Variants in RPIA observed in about 807,000 individuals in gnomAD.
RPIA encodes the protein ribose-5-phosphate isomerase.
RPIA carries 29 observed loss-of-function variants against 37.8 expected under a neutral mutation model. The observed-to-expected ratio is 0.77, with a 90% CI of 0.57 to 1.05. The LOEUF (loss-of-function observed/expected upper bound fraction) is 1.05. Ranked by LOEUF, RPIA falls within the 50% of genes least tolerant of loss-of-function variation. The pLI, the probability that RPIA is intolerant of heterozygous loss-of-function variation, is 0.00. For missense variants in RPIA, 385 were observed against 413.6 expected (o/e 0.93, Z 0.60); for synonymous variants, 167 against 157.0 (o/e 1.06, Z -0.48).
intron 3 of RPIA, among the ~76,000 whole-genome samples, chr2:88,717,422 C>T (rs748320361): frequency 1.1e-4 from 16 of 152,146 alleles, no homozygotes; most frequent in African/African-American, 3.4e-4. Flanking sequence ...TCTGGAAAGG[C>T]GGGACAACTC....
chr2:88,703,840 T>G (rs1672864382), intron 3 of RPIA, among the ~76,000 whole-genome samples: 1 of 152,228 alleles, frequency 6.6e-6, no homozygotes, highest in Non-Finnish European at 1.5e-5. Flanking sequence ...TTTCAAACTT[T>G]TATACTCTGT....
chr2:88,729,253 G>A, intron 3 of RPIA, 25 bp from the exon 4 acceptor site: 1 of 1,612,324 alleles, frequency 6.2e-7, no homozygotes, highest in South Asian at 1.1e-5. Flanking sequence ...AAATGATCGT[G>A]GTTGCTCTTC....
chr2:88,692,152 C>A (rs545137458), intron 1 of RPIA, among the ~76,000 whole-genome samples, 169 bp downstream of exon 1: 14 of 152,316 alleles, frequency 9.2e-5, no homozygotes, highest in Admixed American at 5.9e-4. Context: ...TTCCCTGCTC[C>A]TTAAAGACCT....
intron 8 of RPIA, among the ~76,000 whole-genome samples, chr2:88,744,862 T>G (rs1673422998): frequency 6.6e-6 from 1 of 152,232 alleles, no homozygotes; most frequent in Non-Finnish European, 1.5e-5. Context: ...TTCCCACCCC[T>G]TTACAGTAAG....
chr2:88,741,188 A>G (rs4972062), intron 8 of RPIA, among the ~76,000 whole-genome samples: 75,492 of 152,040 alleles, frequency 0.5, 20,251 homozygotes, highest in African/African-American at 0.71. Flanking sequence ...TACCCAATGC[A>G]TAGTCTTTTC....
intron 3 of RPIA, among the ~76,000 whole-genome samples, chr2:88,712,047 G>A (rs1672967963): frequency 6.6e-6 from 1 of 152,162 alleles, no homozygotes; most frequent in African/African-American, 2.4e-5. Context: ...AGGGAAGATG[G>A]TATAATGAGG....
At chr2:88,727,113 G>A (rs962190542) in intron 3 of RPIA, among the ~76,000 whole-genome samples, 4 of 152,148 alleles carry the variant, frequency 2.6e-5, no homozygotes, top group African/African-American at 7.2e-5. Flanking sequence ...GCATGTGTGC[G>A]CGTGCATGTG....
intron 3 of RPIA, among the ~76,000 whole-genome samples, chr2:88,704,041 C>T (rs950319634): frequency 2.0e-5 from 3 of 152,290 alleles, no homozygotes; most frequent in Middle Eastern, 3.4e-3. Flanking sequence ...CTCCATTTCC[C>T]AACAAGTTTT....
At chr2:88,712,747 T>C (rs958797159) in intron 3 of RPIA, among the ~76,000 whole-genome samples, 4 of 152,336 alleles carry the variant, frequency 2.6e-5, no homozygotes, top group African/African-American at 9.6e-5. Flanking sequence ...GAAGGCTGTT[T>C]GGGTCATCCG....
Position 88,694,367 on chromosome 2 carries a change from G to A in RPIA, c.285+2384G>A, listed in dbSNP as rs190076197. On this transcript the variant is annotated intron_variant, in intron 1 of 8. Coordinates refer to ENST00000283646, the MANE Select transcript of RPIA (RefSeq NM_144563.3). ...TATACAGAGCTTGTCTGATTCATCC[G>A]AATTCACCTCTGTGCCACCTGCCTG... Among the ~76,000 whole-genome samples the A allele has an allele frequency of 1.5e-3, 232 of 152,294 alleles. 2 individuals are homozygous for A. Among genetic ancestry groups the A allele is most frequent in the Non-Finnish European group, 1.1e-3 (75 of 68,026 alleles).
At chr2:88,707,911 C>T (rs552460895) in intron 3 of RPIA, among the ~76,000 whole-genome samples, 2 of 152,264 alleles carry the variant, frequency 1.3e-5, no homozygotes, top group African/African-American at 4.8e-5. Context: ...GTTTATTATG[C>T]CTGAAAAACT....
intron 8 of RPIA, 85 bp from the exon 9 acceptor site, chr2:88,749,896 T>A (rs1673482460): frequency 1.2e-6 from 1 of 865,312 alleles, no homozygotes; most frequent in Middle Eastern, 2.8e-4. Flanking sequence ...TGTATGACAG[T>A]TGCTTCTAGT....
intron 3 of RPIA, among the ~76,000 whole-genome samples, chr2:88,704,419 A>C (rs1450161493): frequency 6.6e-6 from 1 of 152,230 alleles, no homozygotes; most frequent in Non-Finnish European, 1.5e-5. Flanking sequence ...GGATGGCAGC[A>C]AGCAGAGAAT....
intron 3 of RPIA, among the ~76,000 whole-genome samples, chr2:88,711,477 AG>A (rs1313395678): frequency 2.0e-5 from 3 of 152,226 alleles, no homozygotes; most frequent in African/African-American, 4.8e-5. Flanking sequence ...AATCAATAGA[AG>A]GGAATGTTTG....
Position 88,691,977 on chromosome 2 carries a change from C to T in RPIA, c.279C>T (p.His93=), listed in dbSNP as rs769945306. ...KLAGRAAVEN[H]VRNNQVLGIG... is the part of the protein sequence containing the mutation. ...CGGGCCGCGCGGCTGTGGAGAACCA[C>T]GTGAGGGTGAGCACTTCGAAACGTG... Residue 93 remains histidine (H), a synonymous_variant, in exon 1 of 9, where the codon CAC becomes CAT. Coordinates refer to ENST00000283646, the MANE Select transcript of RPIA (RefSeq NM_144563.3). 7.6e-6 allele frequency: 12 copies of T among 1,587,446 alleles called. No individual in the cohort carries two copies. The highest frequency in any genetic ancestry group is 2.3e-5 in the South Asian group (2 of 87,410).
rs533065351 is a variant in RPIA, at chr2:88,742,194, A to G, written c.838+4118A>G. Among the ~76,000 whole-genome samples the G allele has an allele frequency of 2.0e-5, 3 of 152,290 alleles. No homozygotes were observed. In the South Asian group the frequency reaches 6.2e-4, roughly 32 times the overall value. On this transcript the variant is annotated intron_variant, in intron 8 of 8. Coordinates refer to ENST00000283646, the MANE Select transcript of RPIA (RefSeq NM_144563.3). ...GAGTTTTTATAGTTTCAAGTCTTCA[A>G]TTTAAGTCTTTGATCCATCTTGATT...
At chr2:88,746,158 G>T (rs1452979596) in intron 8 of RPIA, among the ~76,000 whole-genome samples, 2 of 150,720 alleles carry the variant, frequency 1.3e-5, no homozygotes, top group Non-Finnish European at 3.0e-5. Context: ...TATGATATCT[G>T]TTTCTCTGGA....
intron 3 of RPIA, among the ~76,000 whole-genome samples, chr2:88,714,460 C>T (rs939393664): frequency 6.6e-6 from 1 of 152,218 alleles, no homozygotes; most frequent in African/African-American, 2.4e-5. Context: ...ATGTGAGCCA[C>T]TGTGCCTGGC....
At chr2:88,711,053 A>C (rs1672954780) in intron 3 of RPIA, among the ~76,000 whole-genome samples, 2 of 152,216 alleles carry the variant, frequency 1.3e-5, no homozygotes, top group African/African-American at 4.8e-5. Flanking sequence ...AGCTCTTTGG[A>C]ACCACTACAT....
Sources: allele counts gnomAD v4.1 joint callset (sites outside exome capture counted in the v4.1 genomes callset), GRCh38; gene constraint gnomAD v4.1.1; transcripts MANE v1.5; gene names NCBI Gene and HGNC (gene_info 2026-07-23, HGNC 2026-07-21).